RNF216: variants seen among roughly 807,000 people sequenced by gnomAD.
RNF216 encodes the protein E3 ubiquitin-protein ligase RNF216.
A neutral mutation model predicts 110.8 loss-of-function variants in RNF216; 72 were observed. That is an observed-to-expected ratio of 0.65 (90% CI 0.54 to 0.79). The LOEUF (loss-of-function observed/expected upper bound fraction) is 0.79. Ranked by LOEUF, RNF216 falls within the 30% of genes least tolerant of loss-of-function variation. RNF216 has a pLI of 0.00. For missense variants in RNF216, 1,342 were observed against 1,141.2 expected (o/e 1.18, Z -2.54); for synonymous variants, 495 against 407.5 (o/e 1.21, Z -2.59).
At chr7:5,653,347 T>A (rs911612532) in intron 13 of RNF216, among the ~76,000 whole-genome samples, 1 of 151,912 alleles carries the variant, frequency 6.6e-6, no homozygotes, top group African/African-American at 2.4e-5. Flanking sequence ...TCCCAGGAAT[T>A]TGGGAGGCCG....
At chr7:5,703,388 G>A (rs1041733905) in intron 13 of RNF216, among the ~76,000 whole-genome samples, 2 of 152,190 alleles carry the variant, frequency 1.3e-5, no homozygotes, top group African/African-American at 2.4e-5. Context: ...CCAACCACCC[G>A]CCATCACAGC....
At chr7:5,739,748 C>T (rs529487578) in intron 4 of RNF216, 41 of 399,356 alleles carry the variant, frequency 1.0e-4, no homozygotes, top group Middle Eastern at 3.6e-4. Context: ...TGCCTATAAT[C>T]GAAGCACTTT....
chr7:5,638,447 C>A (rs1021929138), intron 15 of RNF216, among the ~76,000 whole-genome samples: 11 of 152,198 alleles, frequency 7.2e-5, no homozygotes, highest in Non-Finnish European at 1.6e-4. Flanking sequence ...AGATCAAGTA[C>A]ACGCACTACA....
At chr7:5,666,640 A>C (rs1007548519) in intron 13 of RNF216, 2 of 152,132 alleles carry the variant, frequency 1.3e-5, no homozygotes, top group Non-Finnish European at 2.9e-5. Flanking sequence ...GGGAGCTCTC[A>C]AGCCTTCTGA....
intron 13 of RNF216, among the ~76,000 whole-genome samples, chr7:5,692,584 G>A (rs1043171646): frequency 6.6e-6 from 1 of 152,172 alleles, no homozygotes; most frequent in Admixed American, 6.5e-5. Flanking sequence ...TGCAGAAGGC[G>A]AGCGAGGAGA....
chr7:5,627,149 A>C (rs1264786775), intron 15 of RNF216, among the ~76,000 whole-genome samples: 1 of 152,198 alleles, frequency 6.6e-6, no homozygotes, highest in East Asian at 1.9e-4. Context: ...TGTAGCACAG[A>C]AACTGAGGTC....
intron 14 of RNF216, among the ~76,000 whole-genome samples, chr7:5,648,123 T>A (rs1173415336): frequency 6.6e-6 from 1 of 150,608 alleles, no homozygotes; most frequent in Non-Finnish European, 1.5e-5. Flanking sequence ...TTTTTTTTCT[T>A]GAGATGGAGT....
At chr7:5,625,826 T>C (rs1046719483) in intron 15 of RNF216, among the ~76,000 whole-genome samples, 5 of 152,206 alleles carry the variant, frequency 3.3e-5, no homozygotes, top group African/African-American at 9.7e-5. Context: ...TCCCTGGAGA[T>C]TGGTTCTATC....
intron 13 of RNF216, among the ~76,000 whole-genome samples, chr7:5,695,916 C>G (rs1791597267): frequency 6.6e-6 from 1 of 152,218 alleles, no homozygotes; most frequent in African/African-American, 2.4e-5. Context: ...AGCAGAGGTG[C>G]CACAGAAAAC....
chr7:5,639,554 C>A (rs1185855313), intron 15 of RNF216, among the ~76,000 whole-genome samples: 2 of 151,986 alleles, frequency 1.3e-5, no homozygotes, highest in Non-Finnish European at 2.9e-5. Flanking sequence ...ACCTCCGCCT[C>A]CTGGGTTCAA....
chr7:5,725,420 T>C lies in RNF216; in HGVS notation c.1408A>G (p.Lys470Glu). The change falls in exon 8 of 17, where the codon AAA (lysine) becomes GAA (glutamate). Residue 470 changes from lysine (K) to glutamate (E), a missense_variant. Physicochemically the swap from Lys to Glu is moderately conservative, Grantham distance 56. Coordinates refer to ENST00000389902, the MANE Select transcript of RNF216 (RefSeq NM_207111.4). ...ITRKALSDAI[K>E]KWQELSPETS... ...TCTGGTGACAGCTCCTGCCATTTTT[T>C]AATGGCATCAGACAAGGCCTAAAAA... 3 of 1,610,256 alleles carry C rather than the reference T, an allele frequency of 1.9e-6. No individual in the cohort carries two copies. The highest frequency in any genetic ancestry group is 1.1e-5 in the South Asian group (1 of 90,984).
chr7:5,691,883 T>G (rs187313970), intron 13 of RNF216, among the ~76,000 whole-genome samples: 6 of 152,360 alleles, frequency 3.9e-5, no homozygotes, highest in Non-Finnish European at 8.8e-5. Context: ...TCCCACTTAA[T>G]GCTTTTACAG....
intron 5 of RNF216, among the ~76,000 whole-genome samples, chr7:5,737,914 C>T (rs1794520821): frequency 6.6e-6 from 1 of 151,736 alleles, no homozygotes; most frequent in Non-Finnish European, 1.5e-5. Flanking sequence ...ATGATGAAAC[C>T]CTGTCTCTAC....
chr7:5,781,221 C>T (rs1797070935), intron 1 of RNF216, among the ~76,000 whole-genome samples: 2 of 152,162 alleles, frequency 1.3e-5, no homozygotes, highest in South Asian at 4.1e-4. Flanking sequence ...GAGGGAAGCG[C>T]GGTCTCCCGG....
Position 5,768,346 on chromosome 7 carries a change from TACACACACACACACAC to T in RNF216, c.-69-7224_-69-7209del, listed in dbSNP as rs71004702. Among the ~76,000 whole-genome samples the T allele has an allele frequency of 2.4e-3, 176 of 71,944 alleles. 1 individual carries two copies. Among genetic ancestry groups the T allele is most frequent in the South Asian group, 0.01 (17 of 1,684 alleles). The allele number at this position is 71,944 out of a possible 152,430, so 47.2% of individuals were successfully genotyped here. ...GTAGTGGGAGGCCGAGGCAGGCAAA[TACACACACACACACAC>T]ACACACACACACACACACACACACA... On this transcript the variant is annotated intron_variant, in intron 1 of 16. Coordinates refer to ENST00000389902, the MANE Select transcript of RNF216 (RefSeq NM_207111.4).
chr7:5,687,394 CAAAAAAAAAA>C (rs372177142), intron 13 of RNF216, among the ~76,000 whole-genome samples: 1 of 49,918 alleles, frequency 2.0e-5, no homozygotes, highest in Admixed American at 2.2e-4. Context: ...AACTCCACCT[CAAAAAAAAAA>C]AAAAAAAAAA....
intron 13 of RNF216, among the ~76,000 whole-genome samples, chr7:5,685,712 C>T (rs1406273726): frequency 6.6e-6 from 1 of 152,236 alleles, no homozygotes; most frequent in Admixed American, 6.5e-5. Flanking sequence ...AGCCACATGG[C>T]AAGTCACCAG....
chr7:5,709,723 C>T (rs934638899), intron 13 of RNF216, among the ~76,000 whole-genome samples: 1 of 150,710 alleles, frequency 6.6e-6, no homozygotes, highest in Non-Finnish European at 1.5e-5. Flanking sequence ...GATGCTGTTC[C>T]AGACTCATGT....
At chr7:5,767,865 C>G (rs1796285648) in intron 1 of RNF216, among the ~76,000 whole-genome samples, 1 of 152,102 alleles carries the variant, frequency 6.6e-6, no homozygotes, top group African/African-American at 2.4e-5. Flanking sequence ...TCCCAAAGTA[C>G]TGGGATTACA....
Sources: gnomAD v4.1 joint callset for allele counts (sites outside exome capture counted in the v4.1 genomes callset) on GRCh38, gnomAD v4.1.1 for gene constraint, MANE v1.5 for transcripts, NCBI Gene and HGNC (gene_info 2026-07-23, HGNC 2026-07-21) for gene names.